The following SYCP1 variants were observed in gnomAD, a reference collection of about 807,000 sequenced individuals.
SYCP1 encodes synaptonemal complex protein 1, also known as cancer/testis antigen 8.
A neutral mutation model predicts 153.1 loss-of-function variants in SYCP1; 64 were observed. The observed-to-expected ratio is 0.42, with a 90% CI of 0.34 to 0.51. The LOEUF (loss-of-function observed/expected upper bound fraction) is 0.51, where lower values mean the gene tolerates loss of function less well. Ranked by LOEUF, SYCP1 falls within the 20% of genes least tolerant of loss-of-function variation. SYCP1 has a pLI of 0.06. For synonymous variants in SYCP1, 384 were observed against 341.8 expected, an observed-to-expected ratio of 1.12 and a Z score of -1.36; for missense variants, 997 against 1,049.0, an observed-to-expected ratio of 0.95 and a Z score of 0.68.
At chr1:114,992,006 C>G (rs974394858) in intron 30 of SYCP1, among the ~76,000 whole-genome samples, 1 of 151,550 alleles carries the variant, frequency 6.6e-6, no homozygotes, top group Non-Finnish European at 1.5e-5. Context: ...TATATACCAG[C>G]GATGAACAAT....
At chr1:114,968,442 G>T (rs1001696512) in intron 27 of SYCP1, among the ~76,000 whole-genome samples, 2 of 152,094 alleles carry the variant, frequency 1.3e-5, no homozygotes, top group African/African-American at 4.8e-5. Flanking sequence ...TTCAGTCTCT[G>T]ATATCGTTTC....
rs750351635 is a variant in SYCP1 at position 114,876,116 on chromosome 1, C to T, written c.705C>T (p.Ser235=). 3 of 1,584,056 alleles carry T rather than the reference C, an allele frequency of 1.9e-6. No homozygotes were observed. The highest frequency in any genetic ancestry group is 3.5e-5 in the Admixed American group (2 of 56,740). ...FEELRVQAEN[S]RLEMHFKLKE... is the part of the protein sequence containing the mutation. The stretch of plus-strand genomic sequence containing the variant: ...AACTTCGTGTGCAAGCTGAGAATTC[C>T]AGACTGGAAATGCATTTTAAGTGTA... Residue 235 remains serine (S), a synonymous_variant, in exon 10 of 32, where the codon TCC becomes TCT. Transcript: ENST00000369522.
At chr1:114,946,901 G>T (rs970817360) in intron 26 of SYCP1, among the ~76,000 whole-genome samples, 1 of 151,874 alleles carries the variant, frequency 6.6e-6, no homozygotes, top group Non-Finnish European at 1.5e-5. Flanking sequence ...CACCACACCC[G>T]GCTAATTTTT....
intron 27 of SYCP1, among the ~76,000 whole-genome samples, chr1:114,962,986 A>G (rs1410402165): frequency 6.6e-6 from 1 of 152,210 alleles, no homozygotes; most frequent in African/African-American, 2.4e-5. Context: ...TAAGGAGCCT[A>G]AAGATAAGAC....
intron 20 of SYCP1, among the ~76,000 whole-genome samples, chr1:114,922,895 T>C (rs1668989723): frequency 6.6e-6 from 1 of 152,140 alleles, no homozygotes; most frequent in Non-Finnish European, 1.5e-5. Flanking sequence ...AATTGATAAA[T>C]ACTCCCATTC....
At chr1:114,930,733 C>T (rs1352439184) in intron 23 of SYCP1, among the ~76,000 whole-genome samples, 3 of 151,762 alleles carry the variant, frequency 2.0e-5, no homozygotes, top group Non-Finnish European at 4.4e-5. Context: ...AAACAATTCT[C>T]AAGTAGGTTT....
intron 2 of SYCP1, 97 bp downstream of exon 2, chr1:114,855,669 T>C (rs2101237911): frequency 1.0e-6 from 1 of 973,520 alleles, no homozygotes. Context: ...AATTATTTCT[T>C]CTCAATAAAT....
intron 23 of SYCP1, among the ~76,000 whole-genome samples, chr1:114,932,301 T>C (rs1036204201): frequency 6.6e-6 from 1 of 152,196 alleles, no homozygotes; most frequent in Non-Finnish European, 1.5e-5. Flanking sequence ...TAAACATTTA[T>C]TTGACAGATG....
chr1:114,987,562 G>A (rs1673600420), intron 30 of SYCP1, among the ~76,000 whole-genome samples: 2 of 151,992 alleles, frequency 1.3e-5, no homozygotes, highest in Admixed American at 1.3e-4. Flanking sequence ...CTACTCAGGA[G>A]GCTGAGGTAG....
chr1:114,860,734 A>G lies in SYCP1; in HGVS notation c.525-2A>G. On this transcript the variant is annotated splice_acceptor_variant, in intron 7 of 31. Transcript: ENST00000369522. LOFTEE classifies it high-confidence loss of function. ...ACAGGCAAACTCTTTCCTTTGTTTC[A>G]GGAATAATGCCACAAGGCATTTATG... 6.3e-7 allele frequency: 1 copy of G among 1,592,154 alleles called. No individual in the cohort carries two copies. Among genetic ancestry groups the G allele is most frequent in the Admixed American group, 1.8e-5 (1 of 55,524 alleles).
At position 114,886,277 on chromosome 1, in the gene SYCP1, C is replaced by T. The variant is rs371925177; in HGVS notation, c.1158C>T (p.Ser386=). ...VVTEFETTVC[S]LEELLRTEQQ... Reference sequence around the variant, plus strand: ...CTGAATTTGAAACTACTGTCTGCAGCTTGGAAGAATTATTGAGAACAGAAC... The same window carrying T: ...CTGAATTTGAAACTACTGTCTGCAGTTTGGAAGAATTATTGAGAACAGAAC... Residue 386 remains serine (S), a synonymous_variant, in exon 14 of 32, where the codon AGC becomes AGT. Coordinates refer to ENST00000369522, the MANE Select transcript of SYCP1 (RefSeq NM_003176.4). 4 of 1,595,944 alleles carry T rather than the reference C, an allele frequency of 2.5e-6. No individual in the cohort carries two copies. In the African/African-American group the frequency reaches 5.4e-5, roughly 22 times the overall value.
chr1:114,900,316 T>C (rs1176586475), intron 16 of SYCP1, among the ~76,000 whole-genome samples: 1 of 152,164 alleles, frequency 6.6e-6, no homozygotes, highest in Non-Finnish European at 1.5e-5. Flanking sequence ...AATTTCGCTC[T>C]GTCACCCAGG....
intron 8 of SYCP1, among the ~76,000 whole-genome samples, chr1:114,872,006 CTTT>C (rs71582510): frequency 7.9e-6 from 1 of 127,174 alleles, no homozygotes; most frequent in Non-Finnish European, 1.7e-5. Context: ...CTTTCTTTTT[CTTT>C]TTTTTTTTTT....
rs184418119 is a variant in SYCP1, at chr1:114,943,352, C to T, written c.1927-987C>T. On this transcript the variant is annotated intron_variant, in intron 23 of 31. Transcript: ENST00000369522. Reference sequence around the variant, plus strand: ...TCCCAAAATGGAGACAACTCAGTGCCCTGAACAATTGATTACATAAACAGT... The same window carrying T: ...TCCCAAAATGGAGACAACTCAGTGCTCTGAACAATTGATTACATAAACAGT... 2.0e-4 allele frequency among the ~76,000 whole-genome samples: 30 copies of T among 151,802 alleles called. 1 individual carries two copies. Among genetic ancestry groups the T allele is most frequent in the Middle Eastern group, 3.4e-3 (1 of 294 alleles).
intron 27 of SYCP1, among the ~76,000 whole-genome samples, chr1:114,969,313 G>A (rs573822381): frequency 2.0e-5 from 3 of 152,256 alleles, no homozygotes; most frequent in Admixed American, 6.5e-5. Context: ...TTGTTCCAGG[G>A]CATTTCTCTC....
At chr1:114,975,417 C>A (rs967420040) in intron 27 of SYCP1, among the ~76,000 whole-genome samples, 1 of 150,298 alleles carries the variant, frequency 6.7e-6, no homozygotes, top group African/African-American at 2.4e-5. Flanking sequence ...TATTGATTAC[C>A]TTTATATTTT....
intron 15 of SYCP1, among the ~76,000 whole-genome samples, chr1:114,891,611 G>A (rs963632561): frequency 3.9e-5 from 6 of 152,050 alleles, no homozygotes; most frequent in East Asian, 1.9e-4. Context: ...TGCTTCATGC[G>A]TTGCCCATCT....
At chr1:114,946,016 T>A (rs1341026063) in intron 25 of SYCP1, among the ~76,000 whole-genome samples, 2 of 152,120 alleles carry the variant, frequency 1.3e-5, no homozygotes, top group Non-Finnish European at 2.9e-5. Flanking sequence ...AAATTCAATG[T>A]TTCCAAAGAT....
intron 27 of SYCP1, among the ~76,000 whole-genome samples, chr1:114,956,087 C>T (rs1671415599): frequency 6.6e-6 from 1 of 152,228 alleles, no homozygotes; most frequent in Admixed American, 6.5e-5. Context: ...GAGGGAGACT[C>T]ACCCATACCT....
Sources: allele counts gnomAD v4.1 joint callset (sites outside exome capture counted in the v4.1 genomes callset), GRCh38; gene constraint gnomAD v4.1.1; transcripts MANE v1.5; gene names NCBI Gene and HGNC (gene_info 2026-07-23, HGNC 2026-07-21).